Variants in ZNF423 observed in about 807,000 individuals in gnomAD.
ZNF423 encodes zinc finger protein 423.
In ZNF423, 12 loss-of-function variants were observed where a neutral mutation model predicts 95.8. The ratio of observed to expected loss-of-function variants is 0.13; its 90% CI spans 0.08 to 0.20. ZNF423 has a LOEUF of 0.20. ZNF423 is among the 10% of genes least tolerant of loss of function. The pLI is 1.00. For synonymous variants in ZNF423, 749 were observed against 711.9 expected (o/e 1.05, Z -0.83); for missense variants, 1,316 against 1,737.1 (o/e 0.76, Z 4.31).
intron 3 of ZNF423, among the ~76,000 whole-genome samples, chr16:49,670,745 T>C (rs1210182516): frequency 6.6e-6 from 1 of 152,230 alleles, no homozygotes; most frequent in African/African-American, 2.4e-5. Context: ...CAACGTAGGC[T>C]ACAATTAATC....
At chr16:49,760,790 C>T (rs1249054088) in intron 2 of ZNF423, among the ~76,000 whole-genome samples, 1 of 151,924 alleles carries the variant, frequency 6.6e-6, no homozygotes, top group East Asian at 1.9e-4. Context: ...GGACAGCACC[C>T]CTAGGCGGTG....
intron 3 of ZNF423, among the ~76,000 whole-genome samples, chr16:49,644,728 T>C (rs1279637214): frequency 7.7e-6 from 1 of 129,044 alleles, no homozygotes; most frequent in African/African-American, 2.9e-5. Context: ...CAAGAGCTCA[T>C]CCAGCCATTG....
intron 2 of ZNF423, among the ~76,000 whole-genome samples, chr16:49,744,692 G>T (rs905791401): frequency 1.3e-5 from 2 of 152,178 alleles, no homozygotes; most frequent in African/African-American, 4.8e-5. Context: ...CAGAGACATG[G>T]GGGGATTAGC....
At chr16:49,593,748 G>A (rs1035058760) in intron 5 of ZNF423, among the ~76,000 whole-genome samples, 4 of 152,148 alleles carry the variant, frequency 2.6e-5, no homozygotes, top group South Asian at 4.2e-4. Context: ...GACCAGCACC[G>A]CTGGTGTGGG....
intron 3 of ZNF423, among the ~76,000 whole-genome samples, chr16:49,646,976 T>C (rs1358594884): frequency 6.6e-6 from 1 of 152,240 alleles, no homozygotes; most frequent in East Asian, 1.9e-4. Flanking sequence ...TTTTTATAAC[T>C]GTGCAAAGTG....
chr16:49,518,493 A>G, intron 7 of ZNF423: 1 of 435,862 alleles, frequency 2.3e-6, no homozygotes, highest in Non-Finnish European at 4.5e-6. Context: ...CTATCTCTGC[A>G]TTCTCCTTTA....
intron 1 of ZNF423, among the ~76,000 whole-genome samples, chr16:49,796,088 T>G (rs2034494724): frequency 6.6e-6 from 1 of 152,078 alleles, no homozygotes; most frequent in Non-Finnish European, 1.5e-5. Context: ...CCACGTTGAC[T>G]CTCAGCTCTG....
chr16:49,599,138 G>C (rs1971276552), intron 5 of ZNF423, among the ~76,000 whole-genome samples: 1 of 152,126 alleles, frequency 6.6e-6, no homozygotes, highest in South Asian at 2.1e-4. Flanking sequence ...ATGCTTGTCT[G>C]CCTTTGAAAT....
intron 3 of ZNF423, among the ~76,000 whole-genome samples, chr16:49,690,913 GAGCAAACTAA>G (rs1445336226): frequency 6.6e-6 from 1 of 152,220 alleles, no homozygotes; most frequent in Non-Finnish European, 1.5e-5. Context: ...GGAGGTCGGT[GAGCAAACTAA>G]AGCAACCTGT....
At chr16:49,840,741 TCA>T (rs201104808) in intron 1 of ZNF423, among the ~76,000 whole-genome samples, 1 of 151,738 alleles carries the variant, frequency 6.6e-6, no homozygotes, top group Non-Finnish European at 1.5e-5. Flanking sequence ...ACACACAGAC[TCA>T]CACACATGCA....
chr16:49,790,191 T>C (rs1442859646), intron 1 of ZNF423, among the ~76,000 whole-genome samples: 1 of 152,252 alleles, frequency 6.6e-6, no homozygotes, highest in Non-Finnish European at 1.5e-5. Context: ...TGTAATAATA[T>C]TAAAGCTGGG....
chr16:49,794,209 T>C (rs1459097190), intron 1 of ZNF423, among the ~76,000 whole-genome samples: 1 of 150,110 alleles, frequency 6.7e-6, no homozygotes, highest in Non-Finnish European at 1.5e-5. Flanking sequence ...TGGATTTTTG[T>C]AGTTTTTTTT....
chr16:49,649,999 T>C (rs1973338506), intron 3 of ZNF423, among the ~76,000 whole-genome samples: 1 of 152,156 alleles, frequency 6.6e-6, no homozygotes, highest in South Asian at 2.1e-4. Context: ...ATCCCCAAAG[T>C]ATAAGCAAGG....
rs8046972 is a variant in ZNF423 at position 49,707,854 on chromosome 16, G to A, written c.301+22917C>T. On this transcript the variant is annotated intron_variant, in intron 3 of 7. Coordinates refer to ENST00000563137, the MANE Select transcript of ZNF423 (RefSeq NM_001379286.1). ...TTGAGACAGAGTTTAGCTCTGTCAC[G>A]CAGGCTAATGTGCAATGGTGCGATC... Among the ~76,000 whole-genome samples, 78 of 151,696 alleles carry A rather than the reference G, an allele frequency of 5.1e-4. No homozygotes were observed. The East Asian group carries it at 0.013, about 25-fold the overall frequency.
rs6500239 is a variant in ZNF423, at chr16:49,658,045, T to C, written c.302-19171A>G. ...ACCCAAGTGTAATCCTAAATCATGA[T>C]ATTGATGAAATCATGAGTATGATGT... On this transcript the variant is annotated intron_variant, in intron 3 of 7. Coordinates refer to ENST00000563137, the MANE Select transcript of ZNF423 (RefSeq NM_001379286.1). Among the ~76,000 whole-genome samples, 1,383 of 152,332 alleles carry C rather than the reference T, an allele frequency of 9.1e-3. 16 individuals carry two copies. The highest frequency in any genetic ancestry group is 0.031 in the African/African-American group (1,284 of 41,572).
chr16:49,582,990 C>T (rs1045762719), intron 5 of ZNF423, among the ~76,000 whole-genome samples: 1 of 152,230 alleles, frequency 6.6e-6, no homozygotes, highest in Non-Finnish European at 1.5e-5. Flanking sequence ...TATGGAACCC[C>T]TCTGAAGATG....
At chr16:49,597,629 G>A (rs199824394) in intron 5 of ZNF423, among the ~76,000 whole-genome samples, 41 of 152,092 alleles carry the variant, frequency 2.7e-4, no homozygotes, top group African/African-American at 4.6e-4. Context: ...CCAGTCTGCC[G>A]TGTGCAAGCC....
At chr16:49,780,184 G>A (rs1213752636) in intron 2 of ZNF423, among the ~76,000 whole-genome samples, 1 of 152,188 alleles carries the variant, frequency 6.6e-6, no homozygotes. Flanking sequence ...CTTGAGTCCA[G>A]AGCACACATG....
At chr16:49,687,266 G>A (rs2031601508) in intron 3 of ZNF423, among the ~76,000 whole-genome samples, 1 of 151,824 alleles carries the variant, frequency 6.6e-6, no homozygotes, top group South Asian at 2.1e-4. Context: ...TCACCATAAG[G>A]GAACAATTAG....
Sources: gnomAD v4.1 joint callset for allele counts (sites outside exome capture counted in the v4.1 genomes callset) on GRCh38, gnomAD v4.1.1 for gene constraint, MANE v1.5 for transcripts, NCBI Gene and HGNC (gene_info 2026-07-23, HGNC 2026-07-21) for gene names.